The following LRBA variants were observed in gnomAD, a reference collection of about 807,000 sequenced individuals.
LRBA encodes the protein LPS responsive beige-like anchor protein, also known as lipopolysaccharide-responsive and beige-like anchor protein.
LRBA carries 176 observed loss-of-function variants against 330.0 expected under a neutral mutation model. That is an observed-to-expected ratio of 0.53 (90% CI 0.47 to 0.60). LRBA has a LOEUF of 0.60. Among genes scored for constraint, LRBA ranks in the 20% least tolerant of loss-of-function variants. LRBA has a pLI of 0.00. For missense variants in LRBA, 3,259 were observed against 3,444.8 expected (o/e 0.95, Z 1.35); for synonymous variants, 1,230 against 1,193.0 (o/e 1.03, Z -0.64).
At chr4:150,454,614 G>T (rs543724597) in intron 44 of LRBA, among the ~76,000 whole-genome samples, 46 of 151,230 alleles carry the variant, frequency 3.0e-4, no homozygotes, top group African/African-American at 1.0e-3. Flanking sequence ...ATAGCTTTAG[G>T]GGGTACAAGT....
At chr4:150,607,990 G>A (rs1040073601) in intron 37 of LRBA, among the ~76,000 whole-genome samples, 1 of 152,070 alleles carries the variant, frequency 6.6e-6, no homozygotes, top group Non-Finnish European at 1.5e-5. Flanking sequence ...AGCCAAGATC[G>A]CGCCACTGCA....
intron 2 of LRBA, among the ~76,000 whole-genome samples, chr4:150,994,726 A>C (rs905918587): frequency 5.3e-5 from 8 of 152,220 alleles, no homozygotes; most frequent in African/African-American, 1.9e-4. Flanking sequence ...TCATACAGAG[A>C]ACTGGGGGAA....
chr4:150,852,622 C>A lies in LRBA; in HGVS notation c.3088G>T (p.Asp1030Tyr), dbSNP rs780795296. The change falls in exon 23 of 57, where the codon GAT (aspartate) becomes TAT (tyrosine). Residue 1030 changes from aspartate to tyrosine, a missense_variant. Physicochemically the swap from Asp to Tyr is radical, Grantham distance 160 (BLOSUM62 -3). Transcript: ENST00000651943. ...AGTGTTTCTTCCAAAGTGCCTTCAT[C>A]TGGTAACTCCTGATTTTCTTGCTCA... The part of the protein sequence containing the change: ...KAEQENQELP[D>Y]EGTLEETLTN... The A allele has an allele frequency of 6.2e-7, 1 of 1,613,930 alleles. No individual in the cohort carries two copies. Among genetic ancestry groups the A allele is most frequent in the East Asian group, 2.2e-5 (1 of 44,886 alleles).
chr4:150,798,567 A>T (rs917086693), intron 33 of LRBA, among the ~76,000 whole-genome samples: 1 of 152,062 alleles, frequency 6.6e-6, no homozygotes, highest in Non-Finnish European at 1.5e-5. Flanking sequence ...TCAAGTTTCC[A>T]TTTTGTTTCA....
chr4:150,709,020 A>T lies in LRBA; in HGVS notation c.5755-25303T>A, dbSNP rs548254669. Among the ~76,000 whole-genome samples the T allele has an allele frequency of 3.9e-5, 6 of 151,982 alleles. No homozygotes were observed. The East Asian group carries it at 9.6e-4, about 24-fold the overall frequency. On this transcript the variant is annotated intron_variant, in intron 36 of 56. Coordinates refer to ENST00000651943, the MANE Select transcript of LRBA (RefSeq NM_001364905.1). Reference sequence around the variant, plus strand: ...AGTGGTCACAATAATAGCAACAATGATAATCACTAACACACTTCATAATGT... The same window carrying T: ...AGTGGTCACAATAATAGCAACAATGTTAATCACTAACACACTTCATAATGT...
chr4:150,414,062 T>C (rs1747387107), intron 47 of LRBA, among the ~76,000 whole-genome samples: 1 of 152,204 alleles, frequency 6.6e-6, no homozygotes, highest in African/African-American at 2.4e-5. Flanking sequence ...TTATTTACTA[T>C]TTTCTGAGTG....
chr4:150,656,338 AT>A (rs1387976826), intron 37 of LRBA, among the ~76,000 whole-genome samples: 2 of 152,194 alleles, frequency 1.3e-5, no homozygotes, highest in Non-Finnish European at 2.9e-5. Flanking sequence ...AGGAATGCTC[AT>A]TTCTGGCTGG....
At chr4:150,873,994 C>T (rs1028820353) in intron 17 of LRBA, among the ~76,000 whole-genome samples, 1 of 152,184 alleles carries the variant, frequency 6.6e-6, no homozygotes, top group South Asian at 2.1e-4. Flanking sequence ...TAGGAAAATA[C>T]TAATATGTTG....
At chr4:150,422,187 G>T (rs1748898883) in intron 46 of LRBA, among the ~76,000 whole-genome samples, 1 of 152,122 alleles carries the variant, frequency 6.6e-6, no homozygotes, top group Non-Finnish European at 1.5e-5. Context: ...TTGAGCCTGG[G>T]AGGGCAAGGC....
At position 150,914,315 on chromosome 4, in the gene LRBA, T is replaced by C. The variant is rs1414393876; in HGVS notation, c.1041A>G (p.Ser347=). Reference sequence around the variant, plus strand: ...CTCTATTAGCATCTGCTGTTTCTGATGAGCCCAGGAAACATTTGTCAAAGG... The same window carrying C: ...CTCTATTAGCATCTGCTGTTTCTGACGAGCCCAGGAAACATTTGTCAAAGG... ...SDTFDKCFLG[S]SETADANRVF... The change falls in exon 9 of 57, where the codon TCA becomes TCG. Residue 347 remains serine (S), a synonymous_variant. Transcript: ENST00000651943. 6.3e-7 allele frequency: 1 copy of C among 1,574,896 alleles called. No homozygotes were observed. The highest frequency in any genetic ancestry group is 1.2e-5 in the South Asian group (1 of 83,112).
At chr4:150,503,093 G>A (rs997140206) in intron 40 of LRBA, among the ~76,000 whole-genome samples, 1 of 152,230 alleles carries the variant, frequency 6.6e-6, no homozygotes, top group Non-Finnish European at 1.5e-5. Context: ...GCTCAAGGAG[G>A]CCTGCCTGCC....
Position 150,274,432 on chromosome 4 carries a change from A to G in LRBA, c.8468+3421T>C, listed in dbSNP as rs1746501491. 2.0e-5 allele frequency among the ~76,000 whole-genome samples: 3 copies of G among 152,118 alleles called. No individual in the cohort carries two copies. The South Asian group carries it at 6.2e-4, about 32-fold the overall frequency. ...GGAAGAGCAAACACATTCAAAAGCT[A>G]GCAGAAGACACTAAGATCAGAGGAG... is the stretch of plus-strand genomic sequence containing the variant. On this transcript the variant is annotated intron_variant, in intron 56 of 56. Transcript: ENST00000651943.
chr4:150,998,206 A>G (rs1485902236), intron 2 of LRBA, among the ~76,000 whole-genome samples: 3 of 151,714 alleles, frequency 2.0e-5, no homozygotes, highest in Non-Finnish European at 4.4e-5. Context: ...ATACAAAATT[A>G]GCCAGGCTTG....
At chr4:150,671,619 C>T (rs1056759109) in intron 37 of LRBA, among the ~76,000 whole-genome samples, 1 of 152,194 alleles carries the variant, frequency 6.6e-6, no homozygotes, top group Non-Finnish European at 1.5e-5. Flanking sequence ...TCATTTGTCA[C>T]ATTTATTCTC....
At chr4:150,389,402 T>C (rs1009807812) in intron 47 of LRBA, among the ~76,000 whole-genome samples, 4 of 150,344 alleles carry the variant, frequency 2.7e-5, no homozygotes, top group Admixed American at 6.6e-5. Context: ...GAGATTAGGT[T>C]AATATTGTTC....
chr4:150,426,042 G>C (rs1450006388), intron 46 of LRBA, among the ~76,000 whole-genome samples: 1 of 151,818 alleles, frequency 6.6e-6, no homozygotes, highest in Non-Finnish European at 1.5e-5. Flanking sequence ...TGCATGTTTT[G>C]ATACATTTTA....
chr4:150,678,581 C>A (rs1319712087), intron 37 of LRBA, among the ~76,000 whole-genome samples: 2 of 152,184 alleles, frequency 1.3e-5, no homozygotes, highest in Non-Finnish European at 2.9e-5. Context: ...TAACTAACAT[C>A]TCCATTGATT....
chr4:150,306,444 T>A (rs781310016), intron 52 of LRBA, among the ~76,000 whole-genome samples: 5 of 152,192 alleles, frequency 3.3e-5, no homozygotes, highest in Non-Finnish European at 7.3e-5. Flanking sequence ...ATATTTACCT[T>A]AACTGAAATT....
chr4:150,347,421 G>A (rs1421736251), intron 48 of LRBA, among the ~76,000 whole-genome samples: 4 of 152,070 alleles, frequency 2.6e-5, no homozygotes, highest in African/African-American at 4.8e-5. Flanking sequence ...CAAGGGAGGC[G>A]GATCACTTGA....
Sources: gnomAD v4.1 joint callset for allele counts (sites outside exome capture counted in the v4.1 genomes callset) on GRCh38, gnomAD v4.1.1 for gene constraint, MANE v1.5 for transcripts, NCBI Gene and HGNC (gene_info 2026-07-23, HGNC 2026-07-21) for gene names.